Variants in ADAM28 observed in about 807,000 individuals in gnomAD.
The protein encoded by ADAM28 is ADAM metallopeptidase domain 28, also known as disintegrin and metalloproteinase domain-containing protein 28.
ADAM28 carries 105 observed loss-of-function variants against 101.2 expected under a neutral mutation model. The ratio of observed to expected loss-of-function variants is 1.04; its 90% CI spans 0.89 to 1.22. The LOEUF (loss-of-function observed/expected upper bound fraction) is 1.22, where lower values mean the gene tolerates loss of function less well. Among genes scored for constraint, ADAM28 ranks in the 50% most tolerant of loss-of-function variants. The pLI, the probability that ADAM28 is intolerant of heterozygous loss-of-function variation, is 0.00. For synonymous variants in ADAM28, 322 were observed against 310.6 expected, an observed-to-expected ratio of 1.04 and a Z score of -0.39; for missense variants, 1,028 against 945.4, an observed-to-expected ratio of 1.09 and a Z score of -1.15.
Position 24,332,717 on chromosome 8 carries a change from T to A in ADAM28, c.1339T>A (p.Cys447Ser), listed in dbSNP as rs1432376084. 2.6e-6 allele frequency: 4 copies of A among 1,521,730 alleles called. No individual in the cohort carries two copies. Among genetic ancestry groups the A allele is most frequent in the Non-Finnish European group, 2.7e-6 (3 of 1,125,726 alleles). The allele number at this position is 1,521,730 out of a possible 1,614,324, so 94.3% of individuals were successfully genotyped here. ...KTCKIKATFQCALGECCEKCQ... is the reference protein window; with the variant it reads ...KTCKIKATFQSALGECCEKCQ... ...ATGTAAAATCAAAGCAACTTTTCAA[T>A]GTGCATTAGGAGAATGTTGTGAAAA... Residue 447 changes from cysteine (C) to serine (S), a missense_variant, in exon 13 of 23, where the codon TGT becomes AGT. Cys to Ser is a moderately radical substitution (Grantham distance 112). Coordinates refer to ENST00000265769, the MANE Select transcript of ADAM28 (RefSeq NM_014265.6).
At position 24,332,585 on chromosome 8, in the gene ADAM28, T is replaced by C. The variant is rs570198891; in HGVS notation, c.1282-75T>C. 2.8e-5 allele frequency: 20 copies of C among 711,562 alleles called. 1 individual carries two copies. Among genetic ancestry groups the C allele is most frequent in the Admixed American group, 5.6e-5 (2 of 35,540 alleles). The allele number at this position is 711,562 out of a possible 1,614,324, so 44.1% of individuals were successfully genotyped here. A position where few individuals can be genotyped will look rare whatever the true frequency, so the allele number is the denominator to read the frequency against. The stretch of plus-strand genomic sequence containing the variant: ...GAAAGTAACATATGCCTGATGAATA[T>C]AGTATGTTACAAATTGTGCTGAACT... On this transcript the variant is annotated intron_variant, in intron 12 of 22. Coordinates refer to ENST00000265769, the MANE Select transcript of ADAM28 (RefSeq NM_014265.6).
At position 24,356,603 on chromosome 8, in the gene ADAM28, T is replaced by G. The variant is rs1440343749; in HGVS notation, c.*2199T>G. The G allele has an allele frequency of 6.6e-6, 1 of 152,184 alleles. No homozygotes were observed. The highest frequency in any genetic ancestry group is 2.4e-5 in the African/African-American group (1 of 41,458). 9.4% of individuals were successfully genotyped at this position (152,184 alleles called of 1,614,324 possible). ...TTTCCCTTTCAGCTCAACTGCAGAA[T>G]AGTTTAGAACAGACTTTTTGATTTC... On this transcript the variant is annotated 3_prime_UTR_variant, in exon 23 of 23. Transcript: ENST00000265769.
intron 8 of ADAM28, among the ~76,000 whole-genome samples, chr8:24,322,321 AGG>A (rs1189893129): frequency 6.6e-6 from 1 of 151,926 alleles, no homozygotes; most frequent in African/African-American, 2.4e-5. Context: ...GGACAAGACT[AGG>A]TGAGGCGATA....
intron 5 of ADAM28, among the ~76,000 whole-genome samples, chr8:24,312,031 C>G (rs1810526649): frequency 6.6e-6 from 1 of 151,924 alleles, no homozygotes; most frequent in African/African-American, 2.4e-5. Context: ...GAGCCACCAC[C>G]CCCAGACTCT....
chr8:24,318,368 G>C (rs1585592623), intron 6 of ADAM28, among the ~76,000 whole-genome samples: 1 of 151,832 alleles, frequency 6.6e-6, no homozygotes, highest in African/African-American at 2.4e-5. Context: ...TGATTGACTG[G>C]TAAATATTAG....
intron 22 of ADAM28, 69 bp from the exon 23 acceptor site, chr8:24,354,315 C>T: frequency 7.6e-7 from 1 of 1,314,616 alleles, no homozygotes; most frequent in Non-Finnish European, 1.1e-6. Context: ...CTTCATAGTT[C>T]AGCTTCATAA....
rs1312376166 is a variant in ADAM28 at position 24,329,882 on chromosome 8, TGTGTGA to T, written c.973-101_973-96del. 794 of 946,302 alleles carry T rather than the reference TGTGTGA, an allele frequency of 8.4e-4. 4 individuals carry two copies. In the African/African-American group the frequency reaches 0.015, roughly 17 times the overall value. The allele number at this position is 946,302 out of a possible 1,614,324, so 58.6% of individuals were successfully genotyped here. On this transcript the variant is annotated intron_variant, in intron 10 of 22. Coordinates refer to ENST00000265769, the MANE Select transcript of ADAM28 (RefSeq NM_014265.6). ...GTGTGTGTGTGTTTGTGTGTGTGTG[TGTGTGA>T]GAGAGAGAGAGAGAGAGAGAGAGAG...
intron 9 of ADAM28, 31 bp downstream of exon 9, chr8:24,324,034 A>G (rs748525096): frequency 1.2e-6 from 2 of 1,603,686 alleles, no homozygotes; most frequent in Non-Finnish European, 1.7e-6. Flanking sequence ...ATTGCACACT[A>G]TGTGGTATTT....
At chr8:24,296,719 A>C (rs922390234) in intron 1 of ADAM28, among the ~76,000 whole-genome samples, 1 of 152,230 alleles carries the variant, frequency 6.6e-6, no homozygotes, top group Admixed American at 6.5e-5. Flanking sequence ...GTCAAGACTA[A>C]TCCAGTGTGT....
intron 4 of ADAM28, among the ~76,000 whole-genome samples, chr8:24,310,681 C>T (rs1411979306): frequency 1.3e-5 from 2 of 152,152 alleles, no homozygotes; most frequent in African/African-American, 4.8e-5. Flanking sequence ...GAGCAGATGA[C>T]AGTGTGTAGC....
intron 18 of ADAM28, among the ~76,000 whole-genome samples, chr8:24,345,544 G>A (rs1815305624): frequency 6.6e-6 from 1 of 151,824 alleles, no homozygotes. Flanking sequence ...CCAGTTGGTT[G>A]TTTTCTCCTG....
Position 24,302,937 on chromosome 8 carries a change from A to G in ADAM28, c.150+2860A>G, listed in dbSNP as rs144653713. ...CTCCCCCCTCCCCCCTCCCCACAACAAGCCACAGTGTGTGATGTTCCCCAT... is the reference window on the plus strand; with the variant it reads ...CTCCCCCCTCCCCCCTCCCCACAACGAGCCACAGTGTGTGATGTTCCCCAT... On this transcript the variant is annotated intron_variant, in intron 2 of 22. Coordinates refer to ENST00000265769, the MANE Select transcript of ADAM28 (RefSeq NM_014265.6). Among the ~76,000 whole-genome samples, 152 of 110,420 alleles carry G rather than the reference A, an allele frequency of 1.4e-3. 1 individual carries two copies. Among genetic ancestry groups the G allele is most frequent in the African/African-American group, 5.0e-3 (147 of 29,448 alleles). The allele number at this position is 110,420 out of a possible 152,430, so 72.4% of individuals were successfully genotyped here. A position where few individuals can be genotyped will look rare whatever the true frequency, so the allele number is the denominator to read the frequency against.
At chr8:24,305,472 TTTTTTA>T (rs1419251791) in intron 2 of ADAM28, among the ~76,000 whole-genome samples, 6 of 141,648 alleles carry the variant, frequency 4.2e-5, no homozygotes, top group African/African-American at 1.7e-4. Flanking sequence ...TTTTTTTTTT[TTTTTTA>T]AAATATGTCT....
chr8:24,315,491 A>G (rs1440683344), intron 6 of ADAM28, among the ~76,000 whole-genome samples: 4 of 152,046 alleles, frequency 2.6e-5, no homozygotes, highest in African/African-American at 4.8e-5. Flanking sequence ...GAACAGACCA[A>G]TAACAAAGAG....
Position 24,341,601 on chromosome 8 carries a change from T to C in ADAM28, c.1674T>C (p.Asp558=), listed in dbSNP as rs772175088. ...TACATTTTGGCTTTTTCCTCAGTGA[T>C]ACCATGTGTGGGAAGTTGTTCTGTC... The part of the protein sequence containing the change: ...DDTLIPCKAN[D]TMCGKLFCQG... Residue 558 remains aspartate, a synonymous_variant, in exon 16 of 23, where the codon GAT becomes GAC. Transcript: ENST00000265769. 148 of 1,612,814 alleles carry C rather than the reference T, an allele frequency of 9.2e-5. No individual in the cohort carries two copies. In the East Asian group the frequency reaches 3.1e-3, roughly 34 times the overall value.
chr8:24,322,116 A>G (rs396671), intron 8 of ADAM28, among the ~76,000 whole-genome samples: 88,273 of 151,856 alleles, frequency 0.58, 26,432 homozygotes, highest in East Asian at 0.8. Context: ...AAATAAAAAA[A>G]TAATACATTT....
At chr8:24,317,881 G>C (rs1055595471) in intron 6 of ADAM28, among the ~76,000 whole-genome samples, 1 of 152,012 alleles carries the variant, frequency 6.6e-6, no homozygotes, top group African/African-American at 2.4e-5. Flanking sequence ...GGGTTAAGCA[G>C]TTGAAAGATC....
intron 6 of ADAM28, among the ~76,000 whole-genome samples, chr8:24,315,882 A>G (rs1332803119): frequency 6.6e-6 from 1 of 151,986 alleles, no homozygotes; most frequent in Non-Finnish European, 1.5e-5. Flanking sequence ...TATATCAATT[A>G]TATCAACAGA....
rs933130050 is a variant in ADAM28 at position 24,355,169 on chromosome 8, A to C, written c.*765A>C. The C allele has an allele frequency of 7.2e-5, 11 of 152,576 alleles. No homozygotes were observed. The highest frequency in any genetic ancestry group is 1.2e-4 in the Non-Finnish European group (8 of 68,000). 9.5% of individuals were successfully genotyped at this position (152,576 alleles called of 1,614,324 possible). On this transcript the variant is annotated 3_prime_UTR_variant, in exon 23 of 23. Transcript: ENST00000265769. The stretch of plus-strand genomic sequence containing the variant: ...TTTGAATGTATTGCTAATATTTAAA[A>C]ATTGAGAGATCTTGCATAAACAATA...
Sources: allele counts gnomAD v4.1 joint callset (sites outside exome capture counted in the v4.1 genomes callset), GRCh38; gene constraint gnomAD v4.1.1; transcripts MANE v1.5; gene names NCBI Gene and HGNC (gene_info 2026-07-23, HGNC 2026-07-21).